The following BMPR1B variants were observed in gnomAD, a reference collection of about 807,000 sequenced individuals.
The protein encoded by BMPR1B is bone morphogenetic protein receptor type-1B.
BMPR1B carries 12 observed loss-of-function variants against 59.1 expected under a neutral mutation model. The observed-to-expected ratio is 0.20, with a 90% CI of 0.13 to 0.33. The LOEUF is 0.33. Ranked by LOEUF, BMPR1B falls within the 10% of genes least tolerant of loss-of-function variation. BMPR1B has a pLI of 1.00. For synonymous variants in BMPR1B, 237 were observed against 207.3 expected (o/e 1.14, Z -1.23); for missense variants, 550 against 610.9 (o/e 0.90, Z 1.05).
At chr4:95,135,745 G>C (rs996878228) in intron 10 of BMPR1B, among the ~76,000 whole-genome samples, 1 of 152,150 alleles carries the variant, frequency 6.6e-6, no homozygotes, top group Non-Finnish European at 1.5e-5. Context: ...TTTCTTATCA[G>C]CTTAAGGAGA....
intron 1 of BMPR1B, among the ~76,000 whole-genome samples, chr4:94,821,726 A>G (rs1445740113): frequency 6.6e-6 from 1 of 152,218 alleles, no homozygotes; most frequent in Non-Finnish European, 1.5e-5. Flanking sequence ...GGATTTAATT[A>G]TACATGTAAT....
In BMPR1B at chr4:95,138,554, T is replaced by C. The variant is rs529199220; in HGVS notation, c.1076+7042T>C. Among the ~76,000 whole-genome samples, 36 of 147,664 alleles carry C rather than the reference T, an allele frequency of 2.4e-4. 2 individuals are homozygous for C. The South Asian group carries it at 6.0e-3, about 25-fold the overall frequency. On this transcript the variant is annotated intron_variant, in intron 10 of 12. Coordinates refer to ENST00000515059, the MANE Select transcript of BMPR1B (RefSeq NM_001203.3). ...CACTTTCAGGTACACCAATCAGACG[T>C]AGATTTGGTCTTCTCACATAGTCCC... is the stretch of plus-strand genomic sequence containing the variant.
intron 12 of BMPR1B, among the ~76,000 whole-genome samples, chr4:95,153,971 G>A (rs918605425): frequency 3.9e-5 from 6 of 152,228 alleles, no homozygotes; most frequent in African/African-American, 1.4e-4. Context: ...AGATGCTGGA[G>A]CTCTGTTATT....
At chr4:94,963,722 C>CT (rs1730455260) in intron 2 of BMPR1B, among the ~76,000 whole-genome samples, 1 of 151,952 alleles carries the variant, frequency 6.6e-6, no homozygotes, top group African/African-American at 2.4e-5. Flanking sequence ...CAGTACTATG[C>CT]TTTTTTCATT....
chr4:94,853,086 G>C (rs539807200), intron 1 of BMPR1B, among the ~76,000 whole-genome samples: 1 of 152,296 alleles, frequency 6.6e-6, no homozygotes, highest in South Asian at 2.1e-4. Flanking sequence ...TGCAAACCCA[G>C]ATTGGTATCA....
In BMPR1B at chr4:94,783,921, C is replaced by T. The variant is rs376304372; in HGVS notation, c.-183+25853C>T. 3.6e-4 allele frequency among the ~76,000 whole-genome samples: 55 copies of T among 152,182 alleles called. No homozygotes were observed. The East Asian group carries it at 4.1e-3, about 11-fold the overall frequency. On this transcript the variant is annotated intron_variant, in intron 1 of 12. Transcript: ENST00000515059. ...GAGTTTATCCTTTGACTTGGAGCCC[C>T]ATTTTCTTGGCCATATCCACAGGGA...
At chr4:94,762,836 T>G (rs1293957655) in intron 1 of BMPR1B, among the ~76,000 whole-genome samples, 2 of 150,064 alleles carry the variant, frequency 1.3e-5, no homozygotes, top group African/African-American at 4.9e-5. Flanking sequence ...AGAAGAATCA[T>G]GGAGTTGAAT....
chr4:94,912,528 A>G (rs1179084381), intron 2 of BMPR1B, among the ~76,000 whole-genome samples: 2 of 152,144 alleles, frequency 1.3e-5, no homozygotes, highest in African/African-American at 4.8e-5. Context: ...ACCTAAGTTT[A>G]GAAGTGACAT....
intron 3 of BMPR1B, among the ~76,000 whole-genome samples, chr4:95,083,112 C>T (rs1441435556): frequency 6.7e-6 from 1 of 148,690 alleles, no homozygotes. Flanking sequence ...TATCTTCCTA[C>T]AACCTCATTT....
At chr4:94,937,152 C>T (rs1370826460) in intron 2 of BMPR1B, among the ~76,000 whole-genome samples, 6 of 152,190 alleles carry the variant, frequency 3.9e-5, no homozygotes, top group Non-Finnish European at 8.8e-5. Flanking sequence ...CTGGCCTGCT[C>T]ACTCATTCAT....
At chr4:95,073,913 A>C (rs1728510259) in intron 3 of BMPR1B, among the ~76,000 whole-genome samples, 1 of 152,304 alleles carries the variant, frequency 6.6e-6, no homozygotes, top group South Asian at 2.1e-4. Context: ...TTTAAGACCA[A>C]AGCAGAATGT....
chr4:95,024,150 C>T (rs992560699), intron 3 of BMPR1B, among the ~76,000 whole-genome samples: 1 of 152,200 alleles, frequency 6.6e-6, no homozygotes, highest in Non-Finnish European at 1.5e-5. Flanking sequence ...CTCTTAGCTA[C>T]TTGAATAAGG....
intron 1 of BMPR1B, among the ~76,000 whole-genome samples, chr4:94,841,577 C>T (rs551521939): frequency 6.5e-4 from 97 of 149,462 alleles, no homozygotes; most frequent in African/African-American, 2.3e-3. Flanking sequence ...ACTCGCTGAC[C>T]CCTTGCGCTT....
chr4:94,905,464 C>T (rs1727999984), intron 2 of BMPR1B, among the ~76,000 whole-genome samples: 1 of 151,976 alleles, frequency 6.6e-6, no homozygotes, highest in African/African-American at 2.4e-5. Flanking sequence ...ATATTTTTTA[C>T]AGCTTAATCA....
Position 95,157,148 on chromosome 4 carries a change from CTTATTATATTT to C in BMPR1B, c.*2476_*2486del, listed in dbSNP as rs1211215494. 6.6e-6 allele frequency: 1 copy of C among 152,044 alleles called. No homozygotes were observed. Among genetic ancestry groups the C allele is most frequent in the Non-Finnish European group, 1.5e-5 (1 of 67,960 alleles). The allele number at this position is 152,044 out of a possible 1,614,324, so 9.4% of individuals were successfully genotyped here. ...ATTAAAATAGTCTTCAAACTTCTTC[CTTATTATATTT>C]GGTTGCTTTGGAAAAGATTGGTCCT... On this transcript the variant is annotated 3_prime_UTR_variant, in exon 13 of 13. Transcript: ENST00000515059.
chr4:95,105,431 T>C (rs17023020), intron 4 of BMPR1B, among the ~76,000 whole-genome samples: 5,760 of 152,008 alleles, frequency 0.038, 361 homozygotes, highest in African/African-American at 0.13. Context: ...GAGCAACCAT[T>C]TGAGGCTTCA....
intron 2 of BMPR1B, among the ~76,000 whole-genome samples, chr4:94,922,027 T>C (rs1728708542): frequency 2.0e-5 from 3 of 152,156 alleles, no homozygotes; most frequent in Admixed American, 1.3e-4. Context: ...TCACCCAGGC[T>C]GGAGTGCAGC....
chr4:94,764,529 C>G lies in BMPR1B; in HGVS notation c.-183+6461C>G, dbSNP rs191203530. Reference sequence around the variant, plus strand: ...TACATTGTCTGTTTATAAATAAATTCCCTCAGCTTATCAGGAGCTGTGTCA... The same window carrying G: ...TACATTGTCTGTTTATAAATAAATTGCCTCAGCTTATCAGGAGCTGTGTCA... On this transcript the variant is annotated intron_variant, in intron 1 of 12. Transcript: ENST00000515059. Among the ~76,000 whole-genome samples, 76 of 152,240 alleles carry G rather than the reference C, an allele frequency of 5.0e-4. No homozygotes were observed. In the East Asian group the frequency reaches 8.5e-3, roughly 17 times the overall value.
chr4:94,770,182 GTTTGTTTTTTTTTT>G (rs1454691302), intron 1 of BMPR1B, among the ~76,000 whole-genome samples: 1 of 40,016 alleles, frequency 2.5e-5, no homozygotes, highest in Non-Finnish European at 4.9e-5. Flanking sequence ...TCGTTTCTGT[GTTTGTTTTTTTTTT>G]TTTTTTTTGC....
Sources: allele counts gnomAD v4.1 joint callset (sites outside exome capture counted in the v4.1 genomes callset), GRCh38; gene constraint gnomAD v4.1.1; transcripts MANE v1.5; gene names NCBI Gene and HGNC (gene_info 2026-07-23, HGNC 2026-07-21).